The following MCF2L2 variants were observed in gnomAD, a reference collection of about 807,000 sequenced individuals.
The protein encoded by MCF2L2 is MCF.2 cell line derived transforming sequence-like 2.
MCF2L2 carries 102 observed loss-of-function variants against 150.2 expected under a neutral mutation model. The observed-to-expected ratio is 0.68, with a 90% confidence interval of 0.58 to 0.80. MCF2L2 has a LOEUF of 0.80. Ranked by LOEUF, MCF2L2 falls within the 30% of genes least tolerant of loss-of-function variation. The pLI, the probability that MCF2L2 is intolerant of heterozygous loss-of-function variation, is 0.00. For synonymous variants in MCF2L2, 465 were observed against 491.3 expected (o/e 0.95, Z 0.71); for missense variants, 1,256 against 1,372.8 (o/e 0.91, Z 1.34).
At chr3:183,341,132 T>C (rs556556002) in intron 4 of MCF2L2, among the ~76,000 whole-genome samples, 2 of 152,220 alleles carry the variant, frequency 1.3e-5, no homozygotes, top group South Asian at 4.2e-4. Flanking sequence ...GTTACTGCCG[T>C]AGGCAAAGGG....
chr3:183,320,388 G>A (rs182617768), intron 6 of MCF2L2, among the ~76,000 whole-genome samples: 251 of 152,118 alleles, frequency 1.7e-3, no homozygotes, highest in Non-Finnish European at 2.7e-3. Context: ...CCACTGCGCC[G>A]AGCCGAGTAT....
At chr3:183,201,715 G>C (rs546014088) in intron 25 of MCF2L2, among the ~76,000 whole-genome samples, 1 of 152,264 alleles carries the variant, frequency 6.6e-6, no homozygotes, top group Non-Finnish European at 1.5e-5. Context: ...GTTTCAAAGG[G>C]AATACTTCCA....
intron 15 of MCF2L2, among the ~76,000 whole-genome samples, chr3:183,259,616 T>G (rs1038089793): frequency 1.3e-5 from 2 of 152,172 alleles, no homozygotes; most frequent in African/African-American, 4.8e-5. Flanking sequence ...TGTGTCTGAC[T>G]CCTCGCCTTT....
chr3:183,186,533 C>T (rs1721701137), intron 27 of MCF2L2, among the ~76,000 whole-genome samples: 1 of 152,202 alleles, frequency 6.6e-6, no homozygotes, highest in Non-Finnish European at 1.5e-5. Context: ...TGAGACCAGC[C>T]TGGCCACAAT....
intron 1 of MCF2L2, among the ~76,000 whole-genome samples, chr3:183,401,980 T>C (rs1365388577): frequency 1.3e-5 from 2 of 152,200 alleles, no homozygotes; most frequent in Non-Finnish European, 2.9e-5. Context: ...TAGGTGTATA[T>C]TTAACTTATA....
intron 1 of MCF2L2, among the ~76,000 whole-genome samples, chr3:183,423,917 C>T (rs913850916): frequency 9.4e-5 from 12 of 127,372 alleles, no homozygotes; most frequent in East Asian, 7.0e-4. Context: ...CCACTGCGCC[C>T]GGCGACATGG....
intron 4 of MCF2L2, 86 bp downstream of exon 4, chr3:183,341,454 G>T (rs1730691231): frequency 9.3e-7 from 1 of 1,069,708 alleles, no homozygotes; most frequent in Non-Finnish European, 1.4e-6. Context: ...TAAAATAATT[G>T]CCTTTTCCCC....
At chr3:183,293,454 T>A (rs1335018701) in intron 13 of MCF2L2, among the ~76,000 whole-genome samples, 1 of 152,184 alleles carries the variant, frequency 6.6e-6, no homozygotes, top group Non-Finnish European at 1.5e-5. Context: ...ATTTACCATA[T>A]TAACAAATAA....
At chr3:183,354,928 T>C (rs1011385395) in intron 3 of MCF2L2, among the ~76,000 whole-genome samples, 3 of 152,264 alleles carry the variant, frequency 2.0e-5, no homozygotes, top group South Asian at 4.1e-4. Flanking sequence ...AAATCCATCA[T>C]GAATGCATGA....
chr3:183,213,708 T>C (rs1315379853), intron 22 of MCF2L2, among the ~76,000 whole-genome samples: 1 of 152,160 alleles, frequency 6.6e-6, no homozygotes, highest in Non-Finnish European at 1.5e-5. Flanking sequence ...AGCACCCTGA[T>C]AGGGAATGAA....
In MCF2L2 at chr3:183,301,711, C is replaced by T. The variant is rs185914315; in HGVS notation, c.1114-1515G>A. Among the ~76,000 whole-genome samples, 371 of 150,134 alleles carry T rather than the reference C, an allele frequency of 2.5e-3. 2 individuals are homozygous for T. The highest frequency in any genetic ancestry group is 8.8e-3 in the African/African-American group (355 of 40,178). ...TCTGGAAGCTGAGGCAGGAGAATTG[C>T]TTGAACCTGGGAAGAGGAGGTTGCA... On this transcript the variant is annotated intron_variant, in intron 10 of 29. Transcript: ENST00000328913.
intron 1 of MCF2L2, among the ~76,000 whole-genome samples, chr3:183,423,210 T>G (rs1300081617): frequency 6.6e-6 from 1 of 152,158 alleles, no homozygotes; most frequent in Non-Finnish European, 1.5e-5. Context: ...ATTAGACTCT[T>G]CTTTCAGTAC....
intron 22 of MCF2L2, among the ~76,000 whole-genome samples, chr3:183,208,805 G>A (rs1413519199): frequency 1.3e-5 from 2 of 152,080 alleles, no homozygotes; most frequent in Non-Finnish European, 1.5e-5. Context: ...ATAATTGATT[G>A]GGCATTTTTA....
At chr3:183,415,660 T>C (rs966125414) in intron 1 of MCF2L2, among the ~76,000 whole-genome samples, 1 of 152,264 alleles carries the variant, frequency 6.6e-6, no homozygotes, top group South Asian at 2.1e-4. Flanking sequence ...AAGTCTACTG[T>C]ATCTGATATT....
intron 6 of MCF2L2, among the ~76,000 whole-genome samples, chr3:183,322,916 C>T (rs1430433677): frequency 6.6e-6 from 1 of 152,108 alleles, no homozygotes; most frequent in Non-Finnish European, 1.5e-5. Flanking sequence ...GTCTAAGACC[C>T]ATCCCACATG....
intron 27 of MCF2L2, among the ~76,000 whole-genome samples, chr3:183,191,989 C>T (rs1402548832): frequency 1.3e-5 from 2 of 150,910 alleles, no homozygotes; most frequent in Non-Finnish European, 2.9e-5. Context: ...TACAGGCGCC[C>T]ACCACCAAGC....
At chr3:183,180,037 A>G (rs1228834928) in intron 28 of MCF2L2, 34 bp downstream of exon 28, 1 of 1,508,632 alleles carries the variant, frequency 6.6e-7, no homozygotes, top group South Asian at 1.1e-5. Context: ...GGAAGGAGGG[A>G]AGAAGATGAA....
intron 5 of MCF2L2, among the ~76,000 whole-genome samples, chr3:183,326,211 G>A (rs2108524268): frequency 6.6e-6 from 1 of 152,108 alleles, no homozygotes; most frequent in South Asian, 2.1e-4. Flanking sequence ...CTGTGAAGAG[G>A]CTGGGCGCAG....
chr3:183,242,923 G>C (rs1724094546), intron 15 of MCF2L2, among the ~76,000 whole-genome samples: 1 of 152,228 alleles, frequency 6.6e-6, no homozygotes, highest in African/African-American at 2.4e-5. Context: ...CCCACCTCTT[G>C]AATCTCTATG....
Sources: allele counts gnomAD v4.1 joint callset (sites outside exome capture counted in the v4.1 genomes callset), GRCh38; gene constraint gnomAD v4.1.1; transcripts MANE v1.5; gene names NCBI Gene and HGNC (gene_info 2026-07-23, HGNC 2026-07-21).